Variants in SPIN3 observed in about 807,000 individuals in gnomAD.
The protein encoded by SPIN3 is spindlin-3.
For missense variants in SPIN3, 176 were observed against 196.4 expected, an observed-to-expected ratio of 0.90 and a Z score of 0.62; for synonymous variants, 74 against 74.3, an observed-to-expected ratio of 1.00 and a Z score of 0.02.
At chrX:56,984,040 T>C (rs1324615851) in intron 3 of SPIN3, among the ~76,000 whole-genome samples, 1 of 111,444 alleles carries the variant, frequency 9.0e-6, no homozygotes, top group Non-Finnish European at 1.9e-5. Flanking sequence ...TCAGGGATCC[T>C]CTCACTTCAG....
Position 56,992,637 on chromosome X carries a change from GTCCCAGCCCCAAATGTGCAGAAC to G in SPIN3, c.*1511_*1533del. 3.4e-6 allele frequency: 1 copy of G among 296,014 alleles called. No homozygotes were observed. The allele number at this position is 296,014 out of a possible 1,213,427, so 24.4% of individuals were successfully genotyped here. ...TCCCAATATGATTGTACTGCCTTGA[GTCCCAGCCCCAAATGTGCAGAAC>G]TCCATGGCCTTATTAGGCTGTTACT... On this transcript the variant is annotated 3_prime_UTR_variant, in exon 2 of 2. Transcript: ENST00000374919.
At position 56,995,528 on chromosome X, in the gene SPIN3, T is replaced by C. The variant is rs891958318; in HGVS notation, c.-315A>G. The C allele has an allele frequency of 1.8e-5, 2 of 112,226 alleles. No individual in the cohort carries two copies. The highest frequency in any genetic ancestry group is 9.4e-5 in the Admixed American group (1 of 10,612). 9.2% of individuals were successfully genotyped at this position (112,226 alleles called of 1,213,427 possible). On this transcript the variant is annotated 5_prime_UTR_variant, in exon 1 of 2. Coordinates refer to ENST00000374919, the MANE Select transcript of SPIN3 (RefSeq NM_001010862.3). ...ACATCGGACTCCCACTAGTCGCTGC[T>C]GCGCCGCAGTCTCCTCCTTCTTTTT...
At chrX:56,988,952 C>G (rs941260355), downstream of SPIN3, among the ~76,000 whole-genome samples, 1 of 111,876 alleles carries the variant, frequency 8.9e-6, no homozygotes, top group Non-Finnish European at 1.9e-5. Context: ...AGATATGCCT[C>G]CAAGAGAGAA....
In SPIN3 at chrX:56,993,258, G is replaced by C. The variant is rs1424206017; in HGVS notation, c.*913C>G. The C allele has an allele frequency of 1.8e-5, 2 of 112,031 alleles. No individual in the cohort carries two copies. Among genetic ancestry groups the C allele is most frequent in the Admixed American group, 9.4e-5 (1 of 10,610 alleles). 9.2% of individuals were successfully genotyped at this position (112,031 alleles called of 1,213,427 possible). On this transcript the variant is annotated 3_prime_UTR_variant, in exon 2 of 2. Transcript: ENST00000374919. ...CTCTTTCATTTTGAGGTTCTGGACA[G>C]ATCTGTCCAAACCCAGCCAAACCCA... is the stretch of plus-strand genomic sequence containing the variant.
chrX:56,981,793 C>T (rs1170144039), intron 3 of SPIN3: 1 of 111,761 alleles, frequency 8.9e-6, no homozygotes, highest in Non-Finnish European at 1.9e-5. Flanking sequence ...CGTATCTTTG[C>T]TCATTATATG....
chrX:56,994,900 C>T lies in SPIN3; in HGVS notation c.48G>A (p.Thr16=), dbSNP rs1924454299. ...CAGACACACTGCCGTGGCCAGCGCC[C>T]GTCCTGGACCGCTGCCCTGCAGCTG... ...GKAAAGQRSR[T]GAGHGSVSVT... Residue 16 remains threonine, a synonymous_variant, in exon 2 of 2, where the codon ACG becomes ACA. Coordinates refer to ENST00000374919, the MANE Select transcript of SPIN3 (RefSeq NM_001010862.3). 2.5e-6 allele frequency: 3 copies of T among 1,205,681 alleles called. No homozygotes were observed. Among genetic ancestry groups the T allele is most frequent in the South Asian group, 1.8e-5 (1 of 55,941 alleles).
downstream of SPIN3, among the ~76,000 whole-genome samples, chrX:56,990,549 A>T (rs6612745): frequency 2.7e-5 from 3 of 112,096 alleles, no homozygotes; most frequent in East Asian, 8.4e-4. Flanking sequence ...ATTATATAGT[A>T]CCTTAACTTT....
chrX:56,988,514 C>T (rs1347809528), downstream of SPIN3, among the ~76,000 whole-genome samples: 1 of 111,317 alleles, frequency 9.0e-6, no homozygotes, highest in Non-Finnish European at 1.9e-5. Context: ...CAGGTCCCTT[C>T]CCAAGAGATT....
intron 1 of SPIN3, 59 bp downstream of exon 1, chrX:56,995,157 T>C: frequency 5.2e-6 from 2 of 387,784 alleles, no homozygotes; most frequent in Middle Eastern, 7.1e-4. Flanking sequence ...GGCTAAGATC[T>C]GCGGTTCGGT....
At chrX:56,987,593 T>C (rs1426707567), downstream of SPIN3, among the ~76,000 whole-genome samples, 4 of 111,696 alleles carry the variant, frequency 3.6e-5, no homozygotes, top group Admixed American at 9.5e-5. Flanking sequence ...CCTGACAGAA[T>C]GGACAGTATC....
intron 2 of SPIN3, among the ~76,000 whole-genome samples, chrX:56,985,699 A>G (rs1924209722): frequency 8.9e-6 from 1 of 112,264 alleles, no homozygotes; most frequent in African/African-American, 3.2e-5. Flanking sequence ...TTTCATGCAG[A>G]GTAAATACCA....
At chrX:56,978,054 G>A (rs1286457351) in intron 5 of SPIN3, 1 of 112,107 alleles carries the variant, frequency 8.9e-6, no homozygotes, top group Non-Finnish European at 1.9e-5. Flanking sequence ...CAGAGTTTAT[G>A]ATCATTTGAT....
At chrX:56,979,795 CAG>C (rs1199115650) in intron 3 of SPIN3, 1 of 111,794 alleles carries the variant, frequency 8.9e-6, no homozygotes, top group African/African-American at 3.3e-5. Context: ...ATGTTTATAT[CAG>C]ATCTAAAGCC....
In SPIN3 at chrX:56,992,708, C is replaced by T. The variant is rs751302263; in HGVS notation, c.*1463G>A. 1 of 289,103 alleles carries T rather than the reference C, an allele frequency of 3.5e-6. No individual in the cohort carries two copies. Among genetic ancestry groups the T allele is most frequent in the East Asian group, 4.9e-5 (1 of 20,563 alleles). 23.8% of individuals were successfully genotyped at this position (289,103 alleles called of 1,213,427 possible). On this transcript the variant is annotated 3_prime_UTR_variant, in exon 2 of 2. Coordinates refer to ENST00000374919, the MANE Select transcript of SPIN3 (RefSeq NM_001010862.3). ...ACTGCTAATGGAGCTTCTGTGAGAA[C>T]CTCAATGAGAAAGCTTTGGTTTTGG... is the stretch of plus-strand genomic sequence containing the variant.
Position 56,994,702 on chromosome X carries a change from C to T in SPIN3, c.246G>A (p.Leu82=). Residue 82 remains leucine (L), a synonymous_variant, in exon 2 of 2, where the codon CTG becomes CTA. Transcript: ENST00000374919. ...CAAATCCATCATATTTGATAAGATA[C>T]AGAGAGGGATTTACAGGTACCTGAT... ...VLDQVPVNPS[L]YLIKYDGFDC... 8.3e-7 allele frequency: 1 copy of T among 1,211,681 alleles called. No individual in the cohort carries two copies. Among genetic ancestry groups the T allele is most frequent in the Non-Finnish European group, 1.1e-6 (1 of 895,475 alleles).
Position 56,994,212 on chromosome X carries a change from C to G in SPIN3, c.736G>C (p.Asp246His). ...PSVYFIKFDD[D>H]FHIYVYDLVK... ...AAATCGTAGACATAGATATGGAAATCATCATCAAATTTGATGAAGTACACA... is the reference window on the plus strand; with the variant it reads ...AAATCGTAGACATAGATATGGAAATGATCATCAAATTTGATGAAGTACACA... Residue 246 changes from aspartate (D) to histidine (H), a missense_variant, in exon 2 of 2, where the codon GAT becomes CAT. Coordinates refer to ENST00000374919, the MANE Select transcript of SPIN3 (RefSeq NM_001010862.3). 1 of 1,207,599 alleles carries G rather than the reference C, an allele frequency of 8.3e-7. No individual in the cohort carries two copies. The highest frequency in any genetic ancestry group is 1.1e-6 in the Non-Finnish European group (1 of 894,135).
Position 56,991,995 on chromosome X carries a change from C to A in SPIN3, c.*2176G>T, listed in dbSNP as rs1924351379. ...AGTTTGAACTATATGACCTCACCCC[C>A]ACCCCATCAACTATTAAACTCCAAG... On this transcript the variant is annotated 3_prime_UTR_variant, in exon 2 of 2. Coordinates refer to ENST00000374919, the MANE Select transcript of SPIN3 (RefSeq NM_001010862.3). 1.0e-5 allele frequency: 3 copies of A among 295,642 alleles called. No homozygotes were observed. The highest frequency in any genetic ancestry group is 6.1e-5 in the Admixed American group (1 of 16,484). 24.4% of individuals were successfully genotyped at this position (295,642 alleles called of 1,213,427 possible). A position where few individuals can be genotyped will look rare whatever the true frequency, so the allele number is the denominator to read the frequency against.
chrX:56,994,591 G>A lies in SPIN3; in HGVS notation c.357C>T (p.Ile119=). ...VLPNRVASSR[I]SDTHLAEIMV... is the part of the protein sequence containing the mutation. ...TTATTTCTGCCAAGTGTGTATCACT[G>A]ATTCTAGATGATGCAACTCTATTAG... Residue 119 remains isoleucine, a synonymous_variant, in exon 2 of 2, where the codon ATC becomes ATT. Transcript: ENST00000374919. The A allele has an allele frequency of 8.3e-7, 1 of 1,211,511 alleles. No homozygotes were observed. The highest frequency in any genetic ancestry group is 1.1e-6 in the Non-Finnish European group (1 of 895,456).
At chrX:56,976,931 G>T (rs1924018897) in exon 6 of SPIN3, 1 of 111,847 alleles carries the variant, frequency 8.9e-6, no homozygotes, top group Admixed American at 9.5e-5. Flanking sequence ...TATCATATTT[G>T]TTCACAAAGT....
Sources: allele counts gnomAD v4.1 joint callset (sites outside exome capture counted in the v4.1 genomes callset), GRCh38; gene constraint gnomAD v4.1.1; transcripts MANE v1.5; gene names NCBI Gene and HGNC (gene_info 2026-07-23, HGNC 2026-07-21).